The following GGT1 variants were observed in gnomAD, a reference collection of about 807,000 sequenced individuals.
The protein encoded by GGT1 is gamma-glutamyltransferase 1, also known as glutathione hydrolase 1 proenzyme.
Under a neutral mutation model 56.0 loss-of-function variants are expected in GGT1, and 21 were observed. That is an observed-to-expected ratio of 0.38 (90% CI 0.27 to 0.54). GGT1 has a LOEUF of 0.54. Ranked by LOEUF, GGT1 falls within the 20% of genes least tolerant of loss-of-function variation. The pLI, the probability that GGT1 is intolerant of heterozygous loss-of-function variation, is 0.82. For synonymous variants in GGT1, 238 were observed against 342.6 expected, an observed-to-expected ratio of 0.69 and a Z score of 3.37; for missense variants, 466 against 787.0, an observed-to-expected ratio of 0.59 and a Z score of 4.88.
Position 24,620,987 on chromosome 22 carries a change from A to G in GGT1, c.650A>G (p.Tyr217Cys). 1 of 1,611,850 alleles carries G rather than the reference A, an allele frequency of 6.2e-7. No homozygotes were observed. Among genetic ancestry groups the G allele is most frequent in the Non-Finnish European group, 8.5e-7 (1 of 1,179,796 alleles). The change falls in exon 9 of 16, where the codon TAC becomes TGC. Residue 217 changes from tyrosine (Y) to cysteine (C), a missense_variant. This residue lies in a region of GGT1 where 456 missense variants were observed against 716.7 expected (regional missense o/e 0.64). Coordinates refer to ENST00000400382, the MANE Select transcript of GGT1 (RefSeq NM_001288833.2). This position sits in a 1 kb window ranked among gnomAD's most constrained non-coding sequence, Gnocchi z 5.6. ...ACCCTGCCGCAGCTGGCTGACACCTACGAGACGCTGGCCATCGAGGGTGCC... is the reference window on the plus strand; with the variant it reads ...ACCCTGCCGCAGCTGGCTGACACCTGCGAGACGCTGGCCATCGAGGGTGCC... ...RLTLPQLADT[Y>C]ETLAIEGAQA...
chr22:24,623,287 G>A, intron 10 of GGT1, 31 bp downstream of exon 10: 1 of 1,499,588 alleles, frequency 6.7e-7, no homozygotes, highest in Non-Finnish European at 9.1e-7. Context: ...CGTGTGGTAG[G>A]ACCCATGACA....
the GGT1 span, chr22:24,589,086 G>A: frequency 9.2e-7 from 1 of 1,091,216 alleles, no homozygotes; most frequent in Non-Finnish European, 1.1e-6. Flanking sequence ...GGGGCCGACT[G>A]TGCAGAGACC....
At position 24,623,250 on chromosome 22, in the gene GGT1, C is replaced by A. The variant is rs2047538417; in HGVS notation, c.877C>A (p.Leu293Ile). 1.9e-6 allele frequency: 3 copies of A among 1,578,474 alleles called. No homozygotes were observed. The highest frequency in any genetic ancestry group is 2.6e-6 in the Non-Finnish European group (3 of 1,161,838). ...CGTGCTGGCCCTCATCCTCAACATC[C>A]TCAAAGGTGAGTGGTCGCACCACAG... ...GPVLALILNI[L>I]KGYNFSRESV... Residue 293 changes from leucine to isoleucine, a missense_variant, in exon 10 of 16, where the codon CTC becomes ATC. Physicochemically the swap from Leu to Ile is conservative, Grantham distance 5. This residue lies in a region of GGT1 where 456 missense variants were observed against 716.7 expected (regional missense o/e 0.64). Coordinates refer to ENST00000400382, the MANE Select transcript of GGT1 (RefSeq NM_001288833.2).
At chr22:24,609,914 A>G (rs1601677915) in intron 2 of GGT1, 51 bp from the exon 3 acceptor site, 1 of 438,148 alleles carries the variant, frequency 2.3e-6, no homozygotes, top group East Asian at 7.1e-5. Flanking sequence ...GCTACCATTC[A>G]CCAAGCCCTG....
Position 24,620,933 on chromosome 22 carries a change from G to C in GGT1, c.596G>C (p.Arg199Thr). ...CCCAGTGAGGTGTTCTGCCGGGATA[G>C]AAAGGTGCTTCGGGAGGGGGAGAGA... ...PVLCEVFCRD[R>T]KVLREGERLT... The change falls in exon 9 of 16, where the codon AGA (arginine) becomes ACA (threonine). Residue 199 changes from arginine (R) to threonine (T), a missense_variant. By Grantham distance (71) the Arg-to-Thr change is moderately conservative. Transcript: ENST00000400382. This position sits in a 1 kb window ranked among gnomAD's most constrained non-coding sequence, Gnocchi z 5.6. The C allele has an allele frequency of 1.2e-6, 2 of 1,612,036 alleles. No homozygotes were observed. Among genetic ancestry groups the C allele is most frequent in the South Asian group, 1.1e-5 (1 of 90,982 alleles).
rs984084419 is a variant in GGT1, at chr22:24,608,087, A to C, written c.-359+64A>C. 4 of 454,640 alleles carry C rather than the reference A, an allele frequency of 8.8e-6. No homozygotes were observed. In the Admixed American group the frequency reaches 1.0e-4, roughly 11 times the overall value. 28.2% of individuals were successfully genotyped at this position (454,640 alleles called of 1,614,324 possible). On this transcript the variant is annotated intron_variant, in intron 2 of 15. Coordinates refer to ENST00000400382, the MANE Select transcript of GGT1 (RefSeq NM_001288833.2). ...TGAGGCCAACCATGGCAGCTGACCT[A>C]CTTTCTAGCCTCAGTTTCCCCTAGT...
the GGT1 span, chr22:24,585,966 C>T: frequency 5.5e-5 from 88 of 1,609,720 alleles, no homozygotes; most frequent in South Asian, 2.2e-4. Context: ...GTGGTGGCCC[C>T]GGCCGCACTG....
chr22:24,597,587 A>G (rs2147191929), intron 1 of GGT1, among the ~76,000 whole-genome samples: 1 of 152,318 alleles, frequency 6.6e-6, no homozygotes, highest in Non-Finnish European at 1.5e-5. Context: ...AGGCTGAGGC[A>G]GGAGAATCGC....
At chr22:24,623,041 G>C (rs1178585766) in intron 9 of GGT1, 66 bp from the exon 10 acceptor site, 1 of 1,606,454 alleles carries the variant, frequency 6.2e-7, no homozygotes, top group Non-Finnish European at 8.5e-7. Context: ...CACTGCTGCA[G>C]CTCCATCCTC....
Position 24,623,092 on chromosome 22 carries a change from G to A in GGT1, c.734-15G>A. ...CCCCATCCCAGCACCCATTTGAGCT[G>A]CTGTCCCATTGCAGGGGGCATTGTG... On this transcript the variant is annotated splice_polypyrimidine_tract_variant and intron_variant, in intron 9 of 15. Transcript: ENST00000400382. 6.2e-7 allele frequency: 1 copy of A among 1,611,860 alleles called. No individual in the cohort carries two copies. Among genetic ancestry groups the A allele is most frequent in the Non-Finnish European group, 8.5e-7 (1 of 1,179,798 alleles).
At chr22:24,608,996 C>A (rs2046494677) in intron 2 of GGT1, 1 of 152,188 alleles carries the variant, frequency 6.6e-6, no homozygotes, top group Non-Finnish European at 1.5e-5. Context: ...ATAGATGCTG[C>A]ATATTGCTGG....
the GGT1 span, chr22:24,586,111 CAAAGCAGGG>C: frequency 6.2e-7 from 1 of 1,613,044 alleles, no homozygotes; most frequent in South Asian, 1.1e-5. Flanking sequence ...CCACCCAAGC[CAAAGCAGGG>C]AACTTGGTGG....
chr22:24,604,316 C>T (rs62231208), intron 1 of GGT1, among the ~76,000 whole-genome samples: 4 of 152,172 alleles, frequency 2.6e-5, no homozygotes, highest in African/African-American at 9.7e-5. Context: ...TGGGGCTGTG[C>T]TCTGGTTTCA....
chr22:24,589,218 C>A, the GGT1 span: 1 of 1,254,394 alleles, frequency 8.0e-7, no homozygotes, highest in Admixed American at 2.8e-5. Flanking sequence ...TGTGTCGATG[C>A]TCATGGCAGG....
Position 24,627,944 on chromosome 22 carries a change from G to T in GGT1, c.1301G>T (p.Gly434Val), listed in dbSNP as rs745773929. ...TCTCCCAGCATCACCAACGAGTTTG[G>T]GGTACCCCCCTCACCTGCCAATTTC... ...FSSPSITNEF[G>V]VPPSPANFIQ... is the part of the protein sequence containing the mutation. Residue 434 changes from glycine to valine, a missense_variant, in exon 13 of 16, where the codon GGG (glycine) becomes GTG (valine). This residue lies in a region of GGT1 where 456 missense variants were observed against 716.7 expected (regional missense o/e 0.64). Transcript: ENST00000400382. 6.2e-7 allele frequency: 1 copy of T among 1,613,786 alleles called. No individual in the cohort carries two copies. The highest frequency in any genetic ancestry group is 8.5e-7 in the Non-Finnish European group (1 of 1,179,822).
In GGT1 at chr22:24,620,873, C is replaced by G; in HGVS notation, c.576-40C>G. The G allele has an allele frequency of 6.2e-7, 1 of 1,608,536 alleles. No individual in the cohort carries two copies. The highest frequency in any genetic ancestry group is 8.5e-7 in the Non-Finnish European group (1 of 1,177,946). On this transcript the variant is annotated intron_variant, in intron 8 of 15. Coordinates refer to ENST00000400382, the MANE Select transcript of GGT1 (RefSeq NM_001288833.2). The surrounding 1 kb of genome is among the most constrained non-coding windows in gnomAD (Gnocchi z 5.6). ...GTGTGAGGGGTGGTCTAGCTGAGTCCACCCCACCTGCTGCCTCACATGAGC... is the reference window on the plus strand; with the variant it reads ...GTGTGAGGGGTGGTCTAGCTGAGTCGACCCCACCTGCTGCCTCACATGAGC...
At position 24,627,258 on chromosome 22, in the gene GGT1, G is replaced by A. The variant is rs567322706; in HGVS notation, c.1021-174G>A. On this transcript the variant is annotated intron_variant, in intron 11 of 15. Coordinates refer to ENST00000400382, the MANE Select transcript of GGT1 (RefSeq NM_001288833.2). Reference sequence around the variant, plus strand: ...GTTGCTGGAACGCGACAGAGACAGGGAGTCAGACTGGTCATGCAAGGTCCT... The same window carrying A: ...GTTGCTGGAACGCGACAGAGACAGGAAGTCAGACTGGTCATGCAAGGTCCT... 6.3e-5 allele frequency: 82 copies of A among 1,299,816 alleles called. No individual in the cohort carries two copies. In the African/African-American group the frequency reaches 1.1e-3, roughly 17 times the overall value. The allele number at this position is 1,299,816 out of a possible 1,614,324, so 80.5% of individuals were successfully genotyped here.
chr22:24,590,262 G>C (rs2045529623), upstream of GGT1, among the ~76,000 whole-genome samples: 1 of 152,092 alleles, frequency 6.6e-6, no homozygotes, highest in Non-Finnish European at 1.5e-5. Flanking sequence ...TGAGGAGCTG[G>C]GGCTATAGAC....
intron 1 of GGT1, among the ~76,000 whole-genome samples, chr22:24,605,260 ATATATTATATAATATG>A (rs1253496706): frequency 4.4e-3 from 136 of 30,634 alleles, no homozygotes; most frequent in African/African-American, 0.017. Flanking sequence ...AATATGTATT[ATATATTATATAATATG>A]TATTATATAT....
Sources: gnomAD v4.1 joint callset for allele counts (sites outside exome capture counted in the v4.1 genomes callset) on GRCh38, gnomAD v4.1.1 for gene constraint, gnomAD v4.1.1 regional missense constraint, Gnocchi (gnomAD v3.1) non-coding constraint, MANE v1.5 for transcripts, NCBI Gene and HGNC (gene_info 2026-07-23, HGNC 2026-07-21) for gene names.